Variants in DSG1 observed in about 807,000 individuals in gnomAD.
DSG1 encodes desmoglein-1.
A neutral mutation model predicts 97.5 loss-of-function variants in DSG1; 39 were observed. The observed-to-expected ratio is 0.40, with a 90% CI of 0.31 to 0.52. The LOEUF (loss-of-function observed/expected upper bound fraction) is 0.52. DSG1 is among the 20% of genes least tolerant of loss of function. The pLI is 0.53. For missense variants in DSG1, 1,311 were observed against 1,295.4 expected (o/e 1.01, Z -0.18); for synonymous variants, 475 against 443.4 (o/e 1.07, Z -0.90).
intron 14 of DSG1, among the ~76,000 whole-genome samples, chr18:31,346,756 A>G (rs908273785): frequency 5.9e-5 from 9 of 152,248 alleles, no homozygotes; most frequent in Admixed American, 5.2e-4. Context: ...ACACATTTAT[A>G]GAACCTATCA....
intron 14 of DSG1, among the ~76,000 whole-genome samples, chr18:31,346,825 T>C (rs1351422659): frequency 6.6e-6 from 1 of 152,204 alleles, no homozygotes; most frequent in Non-Finnish European, 1.5e-5. Context: ...ATCCATATAT[T>C]CTCTACGTTG....
At chr18:31,319,639 AC>A (rs2071641277) in intron 1 of DSG1, among the ~76,000 whole-genome samples, 1 of 152,154 alleles carries the variant, frequency 6.6e-6, no homozygotes, top group Non-Finnish European at 1.5e-5. Context: ...GTAATCAAGC[AC>A]TTTTACTTAA....
At position 31,352,483 on chromosome 18, in the gene DSG1, A is replaced by G. The variant is rs1174134864; in HGVS notation, c.2101-1814A>G. Among the ~76,000 whole-genome samples, 977 of 148,320 alleles carry G rather than the reference A, an allele frequency of 6.6e-3. 10 individuals carry two copies. Among genetic ancestry groups the G allele is most frequent in the African/African-American group, 0.024 (928 of 37,912 alleles). On this transcript the variant is annotated intron_variant, in intron 14 of 14. Coordinates refer to ENST00000257192, the MANE Select transcript of DSG1 (RefSeq NM_001942.4). Reference sequence around the variant, plus strand: ...TCTTCTCGAGGAGTATCTTTGTGGCATTCTCTGTATTTTCTGAATCTGAAC... The same window carrying G: ...TCTTCTCGAGGAGTATCTTTGTGGCGTTCTCTGTATTTTCTGAATCTGAAC...
At position 31,357,560 on chromosome 18, in the gene DSG1, T is replaced by C. The variant is rs532011117; in HGVS notation, c.*2214T>C. On this transcript the variant is annotated 3_prime_UTR_variant, in exon 15 of 15. Transcript: ENST00000257192. ...TAAGACATCTGATATCTTCCAGAGATATTTTTTAGGTTGTCTTGCAAACAA... is the reference window on the plus strand; with the variant it reads ...TAAGACATCTGATATCTTCCAGAGACATTTTTTAGGTTGTCTTGCAAACAA... 6.6e-5 allele frequency among the ~76,000 whole-genome samples: 10 copies of C among 152,194 alleles called. No homozygotes were observed. In the East Asian group the frequency reaches 1.7e-3, roughly 26 times the overall value.
rs7236161 is a variant in DSG1 at position 31,329,168 on chromosome 18, G to T, written c.373-724G>T. Among the ~76,000 whole-genome samples, 352 of 152,182 alleles carry T rather than the reference G, an allele frequency of 2.3e-3. 3 individuals are homozygous for T. The highest frequency in any genetic ancestry group is 8.2e-3 in the African/African-American group (340 of 41,526). ...GTCCTATAATTGCCACTTACTTGGA[G>T]AATCATTCCATCACCTCTGTTTTCT... On this transcript the variant is annotated intron_variant, in intron 4 of 14. Coordinates refer to ENST00000257192, the MANE Select transcript of DSG1 (RefSeq NM_001942.4).
Position 31,326,991 on chromosome 18 carries a change from A to G in DSG1, c.202A>G (p.Asn68Asp). The G allele has an allele frequency of 6.2e-7, 1 of 1,613,934 alleles. No homozygotes were observed. Among genetic ancestry groups the G allele is most frequent in the Non-Finnish European group, 8.5e-7 (1 of 1,179,842 alleles). Residue 68 changes from asparagine (N) to aspartate (D), a missense_variant, in exon 3 of 15, where the codon AAC becomes GAC. This residue lies in a region of DSG1 where 259 missense variants were observed against 304.1 expected (regional missense o/e 0.85). Coordinates refer to ENST00000257192, the MANE Select transcript of DSG1 (RefSeq NM_001942.4). ...TGAAGGTGAAGACAACTCAAAGAGG[A>G]ACCCAATCGCCAAAGTAGGTATCAA... is the stretch of plus-strand genomic sequence containing the variant. ...CREGEDNSKRNPIAKIHSDCA... is the reference protein window; with the variant it reads ...CREGEDNSKRDPIAKIHSDCA...
Position 31,326,854 on chromosome 18 carries a change from C to T in DSG1, c.85-20C>T, listed in dbSNP as rs747381227. 3.1e-6 allele frequency: 5 copies of T among 1,611,522 alleles called. No individual in the cohort carries two copies. The highest frequency in any genetic ancestry group is 4.2e-6 in the Non-Finnish European group (5 of 1,177,906). ...GAATTCAAATTAATATATACCATTTCTTTATTGCTGTCATTTAAGGTAAGA... is the reference window on the plus strand; with the variant it reads ...GAATTCAAATTAATATATACCATTTTTTTATTGCTGTCATTTAAGGTAAGA... On this transcript the variant is annotated intron_variant, in intron 2 of 14. Coordinates refer to ENST00000257192, the MANE Select transcript of DSG1 (RefSeq NM_001942.4).
rs374743797 is a variant in DSG1 at position 31,354,840 on chromosome 18, G to C, written c.2644G>C (p.Glu882Gln). 5 of 1,614,068 alleles carry C rather than the reference G, an allele frequency of 3.1e-6. No individual in the cohort carries two copies. The highest frequency in any genetic ancestry group is 1.7e-5 in the Admixed American group (1 of 60,004). Residue 882 changes from glutamate (E) to glutamine (Q), a missense_variant, in exon 15 of 15, where the codon GAG becomes CAG. Transcript: ENST00000257192. ...ISGADLHGML[E>Q]MPDLRDGSNV... Reference sequence around the variant, plus strand: ...TGGCGCTGATTTGCATGGAATGTTAGAGATGCCTGACTTGCGAGATGGGTC... The same window carrying C: ...TGGCGCTGATTTGCATGGAATGTTACAGATGCCTGACTTGCGAGATGGGTC...
intron 14 of DSG1, among the ~76,000 whole-genome samples, chr18:31,352,066 G>A (rs1479033953): frequency 9.9e-5 from 15 of 151,790 alleles, no homozygotes; most frequent in African/African-American, 3.4e-4. Context: ...TCCTAGTCTC[G>A]ATGGTCTTTA....
chr18:31,354,918 T>G lies in DSG1; in HGVS notation c.2722T>G (p.Ser908Ala). 6.2e-7 allele frequency: 1 copy of G among 1,614,182 alleles called. No individual in the cohort carries two copies. The highest frequency in any genetic ancestry group is 1.3e-5 in the African/African-American group (1 of 75,032). Residue 908 changes from serine to alanine, a missense_variant, in exon 15 of 15, where the codon TCT becomes GCT. This residue lies in a region of DSG1 where 1,038 missense variants were observed against 964.6 expected (regional missense o/e 1.08). Coordinates refer to ENST00000257192, the MANE Select transcript of DSG1 (RefSeq NM_001942.4). ...VIAPSSSLPT[S>A]LTIHHPRESS... is the part of the protein sequence containing the mutation. The stretch of plus-strand genomic sequence containing the variant: ...AGCACCAAGCTCTAGTCTACCCACC[T>G]CTCTGACTATCCATCATCCTAGAGA...
chr18:31,331,043 A>G (rs1244719351), intron 5 of DSG1, among the ~76,000 whole-genome samples: 1 of 152,102 alleles, frequency 6.6e-6, no homozygotes, highest in Non-Finnish European at 1.5e-5. Flanking sequence ...CACATTCTCC[A>G]ATAATCTAAT....
intron 4 of DSG1, among the ~76,000 whole-genome samples, chr18:31,329,645 C>T (rs769751337): frequency 4.6e-5 from 7 of 151,548 alleles, no homozygotes; most frequent in South Asian, 4.2e-4. Flanking sequence ...CACTTAGGGA[C>T]GCTTCAAATA....
rs770350552 is a variant in DSG1 at position 31,339,882 on chromosome 18, A to G, written c.1544A>G (p.Tyr515Cys). The change falls in exon 11 of 15, where the codon TAT becomes TGT. Residue 515 changes from tyrosine to cysteine, a missense_variant. Around this residue, in one of 3 missense-constraint regions of DSG1, gnomAD observed 1,038 missense variants for 964.6 expected, o/e 1.08. Coordinates refer to ENST00000257192, the MANE Select transcript of DSG1 (RefSeq NM_001942.4). Reference sequence around the variant, plus strand: ...CAAGAAAGTACTTCTTCCACTAACTATGATACCAGCACAACTTCTACTGAC... The same window carrying G: ...CAAGAAAGTACTTCTTCCACTAACTGTGATACCAGCACAACTTCTACTGAC... ...GRQESTSSTN[Y>C]DTSTTSTDSS... 8 of 1,614,024 alleles carry G rather than the reference A, an allele frequency of 5.0e-6. No homozygotes were observed. The highest frequency in any genetic ancestry group is 2.2e-5 in the East Asian group (1 of 44,868).
intron 14 of DSG1, among the ~76,000 whole-genome samples, chr18:31,347,170 A>G (rs114929877): frequency 0.011 from 1,611 of 152,322 alleles, 31 homozygotes; most frequent in African/African-American, 0.037. Flanking sequence ...GATATTTTTA[A>G]ATAAAATATT....
intron 1 of DSG1, among the ~76,000 whole-genome samples, chr18:31,320,794 G>A (rs934100776): frequency 6.6e-6 from 1 of 152,172 alleles, no homozygotes; most frequent in African/African-American, 2.4e-5. Context: ...AGAAATCTAT[G>A]TGCATGTATA....
rs1312793802 is a variant in DSG1 at position 31,351,368 on chromosome 18, T to C, written c.2101-2929T>C. Among the ~76,000 whole-genome samples, 6 of 147,192 alleles carry C rather than the reference T, an allele frequency of 4.1e-5. No homozygotes were observed. The East Asian group carries it at 1.2e-3, about 29-fold the overall frequency. On this transcript the variant is annotated intron_variant, in intron 14 of 14. Transcript: ENST00000257192. ...ATAATTTCCGTTCTTTTACATTTGC[T>C]GAGGAGAGCTTTACTTCCCAGTATG...
chr18:31,337,226 TG>T (rs2071761405), intron 9 of DSG1, among the ~76,000 whole-genome samples: 1 of 152,084 alleles, frequency 6.6e-6, no homozygotes, highest in Admixed American at 6.6e-5. Context: ...ATGCATTTTT[TG>T]TTGTTTGGGG....
At chr18:31,341,675 A>G (rs2071789572) in intron 11 of DSG1, among the ~76,000 whole-genome samples, 1 of 152,198 alleles carries the variant, frequency 6.6e-6, no homozygotes. Context: ...AGAAAAAAGC[A>G]TTCTCATCAA....
intron 5 of DSG1, 57 bp downstream of exon 5, chr18:31,330,093 C>T: frequency 6.3e-7 from 1 of 1,579,992 alleles, no homozygotes; most frequent in Non-Finnish European, 8.7e-7. Flanking sequence ...TAACTGGAGA[C>T]TAAACTATGT....
Sources: gnomAD v4.1 joint callset for allele counts (sites outside exome capture counted in the v4.1 genomes callset) on GRCh38, gnomAD v4.1.1 for gene constraint, gnomAD v4.1.1 regional missense constraint, MANE v1.5 for transcripts, NCBI Gene and HGNC (gene_info 2026-07-23, HGNC 2026-07-21) for gene names.